Variants in NOTCH1 observed in about 807,000 individuals in gnomAD.
NOTCH1 encodes notch receptor 1.
In NOTCH1, 37 loss-of-function variants were observed where a neutral mutation model predicts 254.8. That is an observed-to-expected ratio of 0.15 (90% CI 0.11 to 0.19). NOTCH1 has a LOEUF of 0.19. Ranked by LOEUF, NOTCH1 falls within the 10% of genes least tolerant of loss-of-function variation. NOTCH1 has a pLI of 1.00. For synonymous variants in NOTCH1, 1,731 were observed against 1,618.1 expected, an observed-to-expected ratio of 1.07 and a Z score of -1.68; for missense variants, 2,972 against 3,708.6, an observed-to-expected ratio of 0.80 and a Z score of 5.16.
At chr9:136,512,406 T>G (rs961616827) in intron 15 of NOTCH1, among the ~76,000 whole-genome samples, 8 of 152,186 alleles carry the variant, frequency 5.3e-5, no homozygotes, top group African/African-American at 1.9e-4. Context: ...CCGGTGCTTG[T>G]GGACTCTTCT....
At position 136,545,984 on chromosome 9, in the gene NOTCH1, TCGCGCC is replaced by T. The variant is rs574505519; in HGVS notation, c.-204_-199del. On this transcript the variant is annotated 5_prime_UTR_variant, in exon 1 of 34. Transcript: ENST00000651671. The surrounding 1 kb of genome is among the most constrained non-coding windows in gnomAD (Gnocchi z 6.8). Reference sequence around the variant, plus strand: ...CGCCCGGCTCGTTCCTTCGCTGCGCTCGCGCCCGCGCCCGCGCCCCGCGCCCCGCGC... The same window carrying T: ...CGCCCGGCTCGTTCCTTCGCTGCGCTCGCGCCCGCGCCCCGCGCCCCGCGC... Among the ~76,000 whole-genome samples, 461 of 144,940 alleles carry T rather than the reference TCGCGCC, an allele frequency of 3.2e-3. No homozygotes were observed. Among genetic ancestry groups the T allele is most frequent in the Non-Finnish European group, 5.3e-3 (348 of 65,924 alleles).
intron 17 of NOTCH1, among the ~76,000 whole-genome samples, chr9:136,510,197 CA>C (rs547600654): frequency 1.3e-5 from 2 of 152,344 alleles, no homozygotes; most frequent in East Asian, 3.9e-4. Flanking sequence ...AGCTCCAGGG[CA>C]GGGGGCAGCT....
intron 10 of NOTCH1, 91 bp from the exon 11 acceptor site, chr9:136,515,807 T>G: frequency 7.7e-7 from 1 of 1,295,672 alleles, no homozygotes; most frequent in Non-Finnish European, 1.1e-6. Context: ...TGTGCCAACC[T>G]GAGGAGGGCT....
chr9:136,508,412 T>C, intron 19 of NOTCH1, 27 bp from the exon 20 acceptor site: 1 of 1,612,780 alleles, frequency 6.2e-7, no homozygotes, highest in Non-Finnish European at 8.5e-7. Flanking sequence ...GTCAGCTGGG[T>C]GCCCGCGCCC....
In NOTCH1 at chr9:136,537,640, T is replaced by A. The variant is rs183360847; in HGVS notation, c.140+6384A>T. On this transcript the variant is annotated intron_variant, in intron 2 of 33. Transcript: ENST00000651671. ...GCAAGACCCCGCTTCTGCAAAAAAA[T>A]TTAAAATTAGCTAGGCATGGTGGTG... Among the ~76,000 whole-genome samples, 700 of 152,202 alleles carry A rather than the reference T, an allele frequency of 4.6e-3. 5 individuals carry two copies. Among genetic ancestry groups the A allele is most frequent in the Non-Finnish European group, 7.4e-3 (501 of 68,010 alleles).
In NOTCH1 at chr9:136,540,394, C is replaced by T. The variant is rs1167255481; in HGVS notation, c.140+3630G>A. ...CCTGGGAGATGGACTTCCCCAGAGC[C>T]GGCAAGTCCCTCCCCAGGCAGTGCC... On this transcript the variant is annotated intron_variant, in intron 2 of 33. Coordinates refer to ENST00000651671, the MANE Select transcript of NOTCH1 (RefSeq NM_017617.5). The surrounding 1 kb of genome is among the most constrained non-coding windows in gnomAD (Gnocchi z 4.4). 1.3e-5 allele frequency among the ~76,000 whole-genome samples: 2 copies of T among 152,032 alleles called. No individual in the cohort carries two copies. Among genetic ancestry groups the T allele is most frequent in the African/African-American group, 2.4e-5 (1 of 41,400 alleles).
intron 15 of NOTCH1, among the ~76,000 whole-genome samples, chr9:136,512,554 C>T (rs915383302): frequency 5.3e-5 from 8 of 152,188 alleles, no homozygotes; most frequent in African/African-American, 1.7e-4. Context: ...AAAGAGAGCC[C>T]GCCATCAAAG....
chr9:136,507,816 C>G, intron 21 of NOTCH1, 139 bp downstream of exon 21: 1 of 925,850 alleles, frequency 1.1e-6, no homozygotes, highest in South Asian at 1.4e-5. Flanking sequence ...CCTGATTACC[C>G]CAGCCCTCCC....
rs587778572 is a variant in NOTCH1 at position 136,496,970 on chromosome 9, C to T, written c.6769G>A (p.Ala2257Thr). ...GCCAGCCGGCCGCCCCCACCCAGCG[C>T]CGCCATCTCGGGCTTGGCCGCCACG... ...LNVAAKPEMAALGGGGRLAFE... is the reference protein window; with the variant it reads ...LNVAAKPEMATLGGGGRLAFE... The change falls in exon 34 of 34, where the codon GCG becomes ACG. Residue 2257 changes from alanine (A) to threonine (T), a missense_variant. Ala to Thr is a moderately conservative substitution (Grantham distance 58). This residue lies in a region of NOTCH1 where 529 missense variants were observed against 529.2 expected (regional missense o/e 1.00). Transcript: ENST00000651671. 3.1e-5 allele frequency: 50 copies of T among 1,610,852 alleles called. No homozygotes were observed. The highest frequency in any genetic ancestry group is 4.2e-5 in the Non-Finnish European group (50 of 1,179,244).
At chr9:136,519,664 C>T (rs1331759972) in intron 4 of NOTCH1, 99 bp from the exon 5 acceptor site, 2 of 1,586,002 alleles carry the variant, frequency 1.3e-6, no homozygotes, top group Non-Finnish European at 1.7e-6. Flanking sequence ...GCCTGGCCTC[C>T]ACGGCCCTGC....
In NOTCH1 at chr9:136,504,703, C is replaced by A; in HGVS notation, c.4988G>T (p.Arg1663Leu). 2.0e-6 allele frequency: 3 copies of A among 1,534,692 alleles called. No individual in the cohort carries two copies. Among genetic ancestry groups the A allele is most frequent in the Non-Finnish European group, 2.6e-6 (3 of 1,139,106 alleles). ...GACGTCCATGGGGTCCAGCTCCCTCCGCCGCCGCCCACCCTCGCTGCCACC... is the reference window on the plus strand; with the variant it reads ...GACGTCCATGGGGTCCAGCTCCCTCAGCCGCCGCCCACCCTCGCTGCCACC... ...LPGGSEGGRR[R>L]RELDPMDVRG... Residue 1663 changes from arginine to leucine, a missense_variant, in exon 26 of 34, where the codon CGG (arginine) becomes CTG (leucine). Arg to Leu is a moderately radical substitution (Grantham distance 102, BLOSUM62 -2). This residue lies in a region of NOTCH1 where 1,343 missense variants were observed against 1,557.0 expected (regional missense o/e 0.86). Coordinates refer to ENST00000651671, the MANE Select transcript of NOTCH1 (RefSeq NM_017617.5).
rs541659729 is a variant in NOTCH1 at position 136,530,734 on chromosome 9, A to G, written c.141-6755T>C. 1.7e-3 allele frequency among the ~76,000 whole-genome samples: 256 copies of G among 152,322 alleles called. 1 individual carries two copies. The highest frequency in any genetic ancestry group is 3.0e-3 in the Non-Finnish European group (203 of 68,022). On this transcript the variant is annotated intron_variant, in intron 2 of 33. Coordinates refer to ENST00000651671, the MANE Select transcript of NOTCH1 (RefSeq NM_017617.5). ...CAACGGCCCCTAGGGACCCATGTGG[A>G]CAAACCTCTTGAGTTGGAGAGGCCA...
intron 2 of NOTCH1, among the ~76,000 whole-genome samples, chr9:136,537,812 G>A (rs1159724024): frequency 6.6e-6 from 1 of 152,100 alleles, no homozygotes; most frequent in East Asian, 1.9e-4. Context: ...CAAAAAAGTG[G>A]CCATGCACAG....
At chr9:136,521,092 C>T (rs1843360244) in intron 4 of NOTCH1, among the ~76,000 whole-genome samples, 1 of 152,222 alleles carries the variant, frequency 6.6e-6, no homozygotes. Context: ...GTCTCCTGGG[C>T]TCCTGACCAC....
chr9:136,504,703 C>T lies in NOTCH1; in HGVS notation c.4988G>A (p.Arg1663Gln), dbSNP rs749490844. The change falls in exon 26 of 34, where the codon CGG becomes CAG. Residue 1663 changes from arginine to glutamine, a missense_variant. This residue lies in a region of NOTCH1 where 1,343 missense variants were observed against 1,557.0 expected (regional missense o/e 0.86). Coordinates refer to ENST00000651671, the MANE Select transcript of NOTCH1 (RefSeq NM_017617.5). The part of the protein sequence containing the change: ...LPGGSEGGRR[R>Q]RELDPMDVRG... ...GACGTCCATGGGGTCCAGCTCCCTCCGCCGCCGCCCACCCTCGCTGCCACC... is the reference window on the plus strand; with the variant it reads ...GACGTCCATGGGGTCCAGCTCCCTCTGCCGCCGCCCACCCTCGCTGCCACC... 162 of 1,534,572 alleles carry T rather than the reference C, an allele frequency of 1.1e-4. No homozygotes were observed. Among genetic ancestry groups the T allele is most frequent in the African/African-American group, 1.2e-4 (9 of 72,670 alleles).
At chr9:136,536,064 G>T (rs1330213306) in intron 2 of NOTCH1, among the ~76,000 whole-genome samples, 1 of 151,998 alleles carries the variant, frequency 6.6e-6, no homozygotes, top group Non-Finnish European at 1.5e-5. Context: ...ACACTGCTGG[G>T]GAGTTTCTCC....
Position 136,496,397 on chromosome 9 carries a change from G to T in NOTCH1, c.7342C>A (p.Pro2448Thr). The change falls in exon 34 of 34, where the codon CCC becomes ACC. Residue 2448 changes from proline (P) to threonine (T), a missense_variant. Pro to Thr is a conservative substitution (Grantham distance 38, BLOSUM62 -1). Transcript: ENST00000651671. ...ATAGTGTGCACCGCCAGGCTGCTGG[G>T]GCCCAGTGGCTGCACGTCTGCCTGG... Reference protein sequence around the residue: ...PSQADVQPLGPSSLAVHTILP... With the variant: ...PSQADVQPLGTSSLAVHTILP... 1 of 1,598,872 alleles carries T rather than the reference G, an allele frequency of 6.3e-7. No individual in the cohort carries two copies. Among genetic ancestry groups the T allele is most frequent in the Non-Finnish European group, 8.5e-7 (1 of 1,178,926 alleles).
Position 136,519,571 on chromosome 9 carries a change from G to C in NOTCH1, c.743-6C>G, listed in dbSNP as rs200395304. On this transcript the variant is annotated splice_polypyrimidine_tract_variant and splice_region_variant and intron_variant, in intron 4 of 33. Transcript: ENST00000651671. ...ACAGTTCTGGCCGGTGAAGCCTGCCGCAAGAGGGGCCGGGTCAGCCTCTTC... is the reference window on the plus strand; with the variant it reads ...ACAGTTCTGGCCGGTGAAGCCTGCCCCAAGAGGGGCCGGGTCAGCCTCTTC... 1 of 1,612,666 alleles carries C rather than the reference G, an allele frequency of 6.2e-7. No individual in the cohort carries two copies. The highest frequency in any genetic ancestry group is 8.5e-7 in the Non-Finnish European group (1 of 1,179,870).
chr9:136,519,263 G>A (rs536296263), intron 5 of NOTCH1, among the ~76,000 whole-genome samples, 180 bp downstream of exon 5: 1 of 152,342 alleles, frequency 6.6e-6, no homozygotes, highest in East Asian at 1.9e-4. Context: ...GAGGTGAGGG[G>A]CACCAGACCC....
Sources: allele counts gnomAD v4.1 joint callset (sites outside exome capture counted in the v4.1 genomes callset), GRCh38; gene constraint gnomAD v4.1.1; regional missense constraint gnomAD v4.1.1; non-coding constraint Gnocchi (gnomAD v3.1); transcripts MANE v1.5; gene names NCBI Gene and HGNC (gene_info 2026-07-23, HGNC 2026-07-21).